Variants in PLEKHM3 observed in about 807,000 individuals in gnomAD.
The protein encoded by PLEKHM3 is pleckstrin homology domain-containing family M member 3.
PLEKHM3 carries 45 observed loss-of-function variants against 81.8 expected under a neutral mutation model. The ratio of observed to expected loss-of-function variants is 0.55; its 90% CI spans 0.43 to 0.71. PLEKHM3 has a LOEUF of 0.71. Ranked by LOEUF, PLEKHM3 falls within the 30% of genes least tolerant of loss-of-function variation. The pLI is 0.00. For synonymous variants in PLEKHM3, 352 were observed against 356.4 expected, an observed-to-expected ratio of 0.99 and a Z score of 0.14; for missense variants, 788 against 924.3, an observed-to-expected ratio of 0.85 and a Z score of 1.91.
At chr2:208,003,315 A>G (rs1441713970) in intron 1 of PLEKHM3, among the ~76,000 whole-genome samples, 3 of 152,246 alleles carry the variant, frequency 2.0e-5, no homozygotes, top group Admixed American at 2.0e-4. Context: ...TATCTTTATC[A>G]GCAGTGTGAA....
chr2:208,001,926 G>A lies in PLEKHM3; in HGVS notation c.-287C>T. 1 of 393,672 alleles carries A rather than the reference G, an allele frequency of 2.5e-6. No individual in the cohort carries two copies. The highest frequency in any genetic ancestry group is 4.6e-6 in the Non-Finnish European group (1 of 218,502). 24.4% of individuals were successfully genotyped at this position (393,672 alleles called of 1,614,324 possible). ...TCTGTGAAGACAACAGCAAGTACTTGTCAAAGCAATGCCACGCCAATCCTT... is the reference window on the plus strand; with the variant it reads ...TCTGTGAAGACAACAGCAAGTACTTATCAAAGCAATGCCACGCCAATCCTT... On this transcript the variant is annotated 5_prime_UTR_variant, in exon 2 of 8. Transcript: ENST00000427836.
chr2:207,927,556 G>A (rs1689442188), intron 5 of PLEKHM3, among the ~76,000 whole-genome samples: 1 of 149,490 alleles, frequency 6.7e-6, no homozygotes. Flanking sequence ...CTGGCTGGGT[G>A]TGGTGGCTCA....
At chr2:207,982,771 G>T (rs558021885) in intron 2 of PLEKHM3, among the ~76,000 whole-genome samples, 1 of 151,520 alleles carries the variant, frequency 6.6e-6, no homozygotes, top group East Asian at 1.9e-4. Context: ...TAGAGACAGG[G>T]TTTCACCATG....
chr2:207,910,852 G>A (rs1688788870), intron 5 of PLEKHM3, among the ~76,000 whole-genome samples: 1 of 152,122 alleles, frequency 6.6e-6, no homozygotes. Flanking sequence ...AGCGGACAGT[G>A]AAAGGAATGA....
At chr2:207,845,928 A>G (rs2092379422) in intron 7 of PLEKHM3, among the ~76,000 whole-genome samples, 1 of 152,222 alleles carries the variant, frequency 6.6e-6, no homozygotes, top group African/African-American at 2.4e-5. Context: ...AAATCAGCCA[A>G]CTTTACGGAA....
rs190008187 is a variant in PLEKHM3 at position 207,972,008 on chromosome 2, C to T, written c.1546+4643G>A. ...AGAGTTCTCTAACCCAATGCATGGG[C>T]GTCACATCTGTAGCAATTGTCACAG... On this transcript the variant is annotated intron_variant, in intron 3 of 7. Transcript: ENST00000427836. 5.3e-5 allele frequency among the ~76,000 whole-genome samples: 8 copies of T among 152,334 alleles called. No homozygotes were observed. The East Asian group carries it at 5.8e-4, about 11-fold the overall frequency.
At chr2:208,004,937 T>G (rs1692449717) in intron 1 of PLEKHM3, among the ~76,000 whole-genome samples, 1 of 152,204 alleles carries the variant, frequency 6.6e-6, no homozygotes, top group Non-Finnish European at 1.5e-5. Flanking sequence ...GCGATTCTCC[T>G]GCCTCAACCT....
At chr2:207,973,770 GAGTTCA>G (rs143970534) in intron 3 of PLEKHM3, among the ~76,000 whole-genome samples, 8,132 of 152,006 alleles carry the variant, frequency 0.053, 685 homozygotes, top group African/African-American at 0.18. Flanking sequence ...AAGAAAACCA[GAGTTCA>G]AGTGCTGGTA....
intron 7 of PLEKHM3, among the ~76,000 whole-genome samples, chr2:207,834,294 C>G (rs1020059441): frequency 4.6e-5 from 7 of 151,976 alleles, no homozygotes; most frequent in African/African-American, 1.7e-4. Context: ...CTAAGCCTGG[C>G]TAATTTTGTA....
intron 2 of PLEKHM3, among the ~76,000 whole-genome samples, chr2:207,988,075 T>A (rs1179641203): frequency 1.3e-5 from 2 of 152,254 alleles, no homozygotes; most frequent in African/African-American, 4.8e-5. Flanking sequence ...TAATCTATTC[T>A]TTTATTCACT....
chr2:207,864,604 A>G (rs1390639215), intron 6 of PLEKHM3, among the ~76,000 whole-genome samples: 1 of 152,240 alleles, frequency 6.6e-6, no homozygotes, highest in East Asian at 1.9e-4. Flanking sequence ...CTTGAGGAAG[A>G]CATGAGAGTT....
At chr2:207,924,860 G>C (rs1689334718) in intron 5 of PLEKHM3, among the ~76,000 whole-genome samples, 1 of 152,166 alleles carries the variant, frequency 6.6e-6, no homozygotes, top group South Asian at 2.1e-4. Flanking sequence ...GGGAGCTGGA[G>C]GATGTGGAGG....
intron 3 of PLEKHM3, among the ~76,000 whole-genome samples, chr2:207,966,520 C>T (rs1254468771): frequency 6.6e-6 from 1 of 152,158 alleles, no homozygotes; most frequent in Non-Finnish European, 1.5e-5. Flanking sequence ...TTTTTAGCTC[C>T]TTCACTATCA....
At chr2:207,902,808 TCACCCATC>T (rs1688475642) in intron 6 of PLEKHM3, among the ~76,000 whole-genome samples, 1 of 138,380 alleles carries the variant, frequency 7.2e-6, no homozygotes. Context: ...ATACACCCTG[TCACCCATC>T]CACCCACCCA....
intron 6 of PLEKHM3, among the ~76,000 whole-genome samples, chr2:207,871,351 G>A (rs1365950160): frequency 6.6e-6 from 1 of 152,066 alleles, no homozygotes; most frequent in African/African-American, 2.4e-5. Flanking sequence ...TACTGAGGGT[G>A]GATTGTGATG....
intron 3 of PLEKHM3, among the ~76,000 whole-genome samples, chr2:207,963,701 C>T (rs1261732896): frequency 3.9e-5 from 6 of 152,174 alleles, no homozygotes; most frequent in African/African-American, 1.2e-4. Flanking sequence ...GTAAAGAATT[C>T]GGGCTAACTC....
At chr2:208,007,558 T>C (rs113681370) in intron 1 of PLEKHM3, among the ~76,000 whole-genome samples, 5 of 152,204 alleles carry the variant, frequency 3.3e-5, no homozygotes, top group South Asian at 2.1e-4. Context: ...ATTAAATTGC[T>C]ACATTTTATC....
chr2:207,884,377 A>T (rs1245268477), intron 6 of PLEKHM3, among the ~76,000 whole-genome samples: 1 of 152,222 alleles, frequency 6.6e-6, no homozygotes, highest in Non-Finnish European at 1.5e-5. Flanking sequence ...AAACTACAGA[A>T]TGGAAAGGAA....
At chr2:207,930,453 TATAAA>T (rs952412901) in intron 5 of PLEKHM3, among the ~76,000 whole-genome samples, 4 of 151,690 alleles carry the variant, frequency 2.6e-5, no homozygotes, top group East Asian at 3.9e-4. Flanking sequence ...ATAATAAATA[TATAAA>T]ATAAAATAAA....
Sources: gnomAD v4.1 joint callset for allele counts (sites outside exome capture counted in the v4.1 genomes callset) on GRCh38, gnomAD v4.1.1 for gene constraint, MANE v1.5 for transcripts, NCBI Gene and HGNC (gene_info 2026-07-23, HGNC 2026-07-21) for gene names.